Variants in YPEL1 observed in about 807,000 individuals in gnomAD.
YPEL1 encodes the protein protein yippee-like 1.
Under a neutral mutation model 17.3 loss-of-function variants are expected in YPEL1, and 7 were observed. The observed-to-expected ratio is 0.40, with a 90% CI of 0.23 to 0.76. YPEL1 has a LOEUF of 0.76. Ranked by LOEUF, YPEL1 falls within the 30% of genes least tolerant of loss-of-function variation. The pLI, the probability that YPEL1 is intolerant of heterozygous loss-of-function variation, is 0.35. For synonymous variants in YPEL1, 59 were observed against 59.6 expected (o/e 0.99, Z 0.05); for missense variants, 91 against 155.5 (o/e 0.59, Z 2.21).
chr22:21,719,638 A>G (rs577284457), intron 1 of YPEL1, among the ~76,000 whole-genome samples: 5 of 152,168 alleles, frequency 3.3e-5, no homozygotes, highest in African/African-American at 1.2e-4. Context: ...TAATCCCAAC[A>G]CTTTGGGAGG....
intron 2 of YPEL1, among the ~76,000 whole-genome samples, chr22:21,708,736 G>A (rs1365722384): frequency 7.3e-6 from 1 of 137,522 alleles, no homozygotes; most frequent in Non-Finnish European, 1.5e-5. Context: ...GCGCGATCTC[G>A]ACTCACTGCA....
intron 1 of YPEL1, among the ~76,000 whole-genome samples, chr22:21,723,669 AATTTT>A (rs746774657): frequency 4.7e-4 from 66 of 139,600 alleles, no homozygotes; most frequent in African/African-American, 1.6e-3. Flanking sequence ...GCCTAGCTGG[AATTTT>A]ATTTTATTTT....
Position 21,710,716 on chromosome 22 carries a change from A to G in YPEL1, c.29T>C (p.Phe10Ser), listed in dbSNP as rs1404716427. ...GTGACAGTTCGGCAGATACGCTTGG[A>G]AAGTTTTGGACTTTGTCATTTTCAC... MVKMTKSKT[F>S]QAYLPNCHRT... Residue 10 changes from phenylalanine (F) to serine (S), a missense_variant, in exon 2 of 5, where the codon TTC (phenylalanine) becomes TCC (serine). By Grantham distance (155) the Phe-to-Ser change is radical. Transcript: ENST00000339468. 1 of 1,614,098 alleles carries G rather than the reference A, an allele frequency of 6.2e-7. No homozygotes were observed. Among genetic ancestry groups the G allele is most frequent in the Non-Finnish European group, 8.5e-7 (1 of 1,180,046 alleles).
At chr22:21,714,932 G>A (rs752774606) in intron 1 of YPEL1, among the ~76,000 whole-genome samples, 1 of 152,114 alleles carries the variant, frequency 6.6e-6, no homozygotes. Flanking sequence ...TTACTGATTC[G>A]TAGGAGTAAG....
chr22:21,712,133 C>T (rs192623046), intron 1 of YPEL1, among the ~76,000 whole-genome samples: 1 of 152,206 alleles, frequency 6.6e-6, no homozygotes, highest in African/African-American at 2.4e-5. Flanking sequence ...TGAGATCGTC[C>T]AACTGCACTC....
At chr22:21,717,024 A>G (rs1418919745) in intron 1 of YPEL1, among the ~76,000 whole-genome samples, 1 of 152,188 alleles carries the variant, frequency 6.6e-6, no homozygotes, top group East Asian at 1.9e-4. Flanking sequence ...GAGAATAAAA[A>G]GAGAATACCT....
intron 2 of YPEL1, among the ~76,000 whole-genome samples, chr22:21,708,172 C>G (rs919334603): frequency 1.4e-4 from 22 of 151,994 alleles, no homozygotes; most frequent in Non-Finnish European, 1.2e-4. Flanking sequence ...AAAGCTCACT[C>G]TAGTCGTCAT....
intron 1 of YPEL1, among the ~76,000 whole-genome samples, chr22:21,727,274 T>C (rs1164088259): frequency 6.6e-6 from 1 of 152,252 alleles, no homozygotes; most frequent in Non-Finnish European, 1.5e-5. Context: ...CATGTCATGT[T>C]AAGTTTTAAC....
At chr22:21,701,321 T>G in intron 4 of YPEL1, 103 bp from the exon 5 acceptor site, 2 of 815,018 alleles carry the variant, frequency 2.5e-6, no homozygotes, top group Non-Finnish European at 4.0e-6. Flanking sequence ...ATGAACTATA[T>G]ACCCAGATGT....
intron 4 of YPEL1, 68 bp from the exon 5 acceptor site, chr22:21,701,286 CA>C: frequency 1.4e-5 from 17 of 1,204,694 alleles, no homozygotes; most frequent in South Asian, 2.6e-5. Context: ...ACTCTTTTGG[CA>C]AAAACCCCCC....
At chr22:21,726,589 A>T (rs5994840) in intron 1 of YPEL1, among the ~76,000 whole-genome samples, 25,928 of 152,168 alleles carry the variant, frequency 0.17, 2,440 homozygotes, top group Non-Finnish European at 0.21. Context: ...TCCAGGCAGG[A>T]GGAAGCGGTG....
chr22:21,721,597 T>A (rs1348198977), intron 1 of YPEL1, among the ~76,000 whole-genome samples: 2 of 152,174 alleles, frequency 1.3e-5, no homozygotes, highest in African/African-American at 4.8e-5. Flanking sequence ...CTAATTTTTA[T>A]ATTTTTAGTA....
At chr22:21,725,259 G>A (rs1373769175) in intron 1 of YPEL1, among the ~76,000 whole-genome samples, 4 of 144,366 alleles carry the variant, frequency 2.8e-5, no homozygotes, top group Non-Finnish European at 6.0e-5. Flanking sequence ...TCACTCTGTC[G>A]CCCAGGCTGG....
In YPEL1 at chr22:21,703,711, C is replaced by T. The variant is rs861814; in HGVS notation, c.161+128G>A. On this transcript the variant is annotated intron_variant, in intron 3 of 4. Coordinates refer to ENST00000339468, the MANE Select transcript of YPEL1 (RefSeq NM_013313.5). This position sits in a 1 kb window ranked among gnomAD's most constrained non-coding sequence, Gnocchi z 6.1. ...CTTAGCGCGTTTCAGAAACTCCCGG[C>T]GGGGGGATGGTGGGTTCTTTCAGGA... The T allele has an allele frequency of 9.1e-5, 95 of 1,039,684 alleles. 2 individuals carry two copies. The highest frequency in any genetic ancestry group is 3.9e-4 in the Admixed American group (15 of 38,014). The allele number at this position is 1,039,684 out of a possible 1,614,324, so 64.4% of individuals were successfully genotyped here.
rs2068038484 is a variant in YPEL1 at position 21,699,195 on chromosome 22, AGC to A, written c.*1932_*1933del. On this transcript the variant is annotated 3_prime_UTR_variant, in exon 5 of 5. Transcript: ENST00000339468. Reference sequence around the variant, plus strand: ...AGGGCTGAAGTCGGGGGAGGTGTGAAGCTGGGCAGGTGGCCACGTTCTTATTG... The same window carrying A: ...AGGGCTGAAGTCGGGGGAGGTGTGAATGGGCAGGTGGCCACGTTCTTATTG... The A allele has an allele frequency of 6.6e-6, 1 of 152,486 alleles. No homozygotes were observed. Among genetic ancestry groups the A allele is most frequent in the Admixed American group, 6.5e-5 (1 of 15,280 alleles). The allele number at this position is 152,486 out of a possible 1,614,324, so 9.4% of individuals were successfully genotyped here.
At chr22:21,708,331 C>CTTTTT (rs775485136) in intron 2 of YPEL1, among the ~76,000 whole-genome samples, 85 of 102,126 alleles carry the variant, frequency 8.3e-4, no homozygotes, top group Non-Finnish European at 9.9e-4. Context: ...AGGCTTCTGC[C>CTTTTT]TTTTTTTTTT....
chr22:21,732,144 G>C (rs1670645623), intron 1 of YPEL1, among the ~76,000 whole-genome samples: 1 of 152,218 alleles, frequency 6.6e-6, no homozygotes, highest in South Asian at 2.1e-4. Flanking sequence ...CTCAGCATCT[G>C]TATAGCAGGT....
rs1050032968 is a variant in YPEL1, at chr22:21,698,293, C to T, written c.*2836G>A. 2 of 148,028 alleles carry T rather than the reference C, an allele frequency of 1.4e-5. No individual in the cohort carries two copies. The highest frequency in any genetic ancestry group is 1.5e-5 in the Non-Finnish European group (1 of 66,902). 9.2% of individuals were successfully genotyped at this position (148,028 alleles called of 1,614,324 possible). ...AAAAAAAAATACAAAAGTCATAAGA[C>T]TACTAGTAAAAAATGTTCAATCAAT... On this transcript the variant is annotated 3_prime_UTR_variant, in exon 5 of 5. Coordinates refer to ENST00000339468, the MANE Select transcript of YPEL1 (RefSeq NM_013313.5).
Position 21,700,475 on chromosome 22 carries a change from C to CT in YPEL1, c.*653dup, listed in dbSNP as rs56946669. ...TAAAGGCATGCGCCACCATACCCAG[C>CT]TTTTTTTTTTTTTTTTGAGACGATG... On this transcript the variant is annotated 3_prime_UTR_variant, in exon 5 of 5. Transcript: ENST00000339468. The CT allele has an allele frequency of 0.95, 128,573 of 135,824 alleles. 60,995 individuals carry two copies. The highest frequency in any genetic ancestry group is 0.97 in the Admixed American group (12,959 of 13,410). The allele number at this position is 135,824 out of a possible 1,614,324, so 8.4% of individuals were successfully genotyped here.
Sources: gnomAD v4.1 joint callset for allele counts (sites outside exome capture counted in the v4.1 genomes callset) on GRCh38, gnomAD v4.1.1 for gene constraint, Gnocchi (gnomAD v3.1) non-coding constraint, MANE v1.5 for transcripts, NCBI Gene and HGNC (gene_info 2026-07-23, HGNC 2026-07-21) for gene names.